EDIL3: variants seen among roughly 807,000 people sequenced by gnomAD.
EDIL3 encodes the protein EGF like and discoidin domains 3.
EDIL3 carries 37 observed loss-of-function variants against 67.4 expected under a neutral mutation model. The ratio of observed to expected loss-of-function variants is 0.55; its 90% CI spans 0.42 to 0.72. EDIL3 has a LOEUF of 0.72. Ranked by LOEUF, EDIL3 falls within the 30% of genes least tolerant of loss-of-function variation. The pLI is 0.00. For missense variants in EDIL3, 527 were observed against 586.3 expected (o/e 0.90, Z 1.04); for synonymous variants, 195 against 196.3 (o/e 0.99, Z 0.05).
rs886920158 is a variant in EDIL3, at chr5:84,076,000, CAAATT to C, written c.652-9399_652-9395del. On this transcript the variant is annotated intron_variant, in intron 6 of 10. Coordinates refer to ENST00000296591, the MANE Select transcript of EDIL3 (RefSeq NM_005711.5). The stretch of plus-strand genomic sequence containing the variant: ...TTATCATATTAGAAATTAATACTGA[CAAATT>C]AAAAATATATTAATTCACCTAAAAA... 2.6e-4 allele frequency among the ~76,000 whole-genome samples: 38 copies of C among 148,110 alleles called. No homozygotes were observed. In the East Asian group the frequency reaches 7.3e-3, roughly 28 times the overall value.
chr5:84,247,697 A>G (rs911447819), intron 2 of EDIL3, among the ~76,000 whole-genome samples: 1 of 152,128 alleles, frequency 6.6e-6, no homozygotes, highest in Admixed American at 6.6e-5. Flanking sequence ...GGAATATGAT[A>G]GGTAAAAGAG....
At chr5:84,369,311 C>T (rs977728270) in intron 1 of EDIL3, among the ~76,000 whole-genome samples, 1 of 151,766 alleles carries the variant, frequency 6.6e-6, no homozygotes, top group African/African-American at 2.4e-5. Flanking sequence ...ATACATACCA[C>T]AAGGGAATAG....
chr5:84,374,934 C>T (rs973106802), intron 1 of EDIL3, among the ~76,000 whole-genome samples: 1 of 151,892 alleles, frequency 6.6e-6, no homozygotes, highest in African/African-American at 2.4e-5. Context: ...AATTAAACCT[C>T]CTTCCTTTAT....
At chr5:84,355,264 T>C (rs1422520828) in intron 1 of EDIL3, among the ~76,000 whole-genome samples, 3 of 152,022 alleles carry the variant, frequency 2.0e-5, no homozygotes, top group Admixed American at 2.0e-4. Context: ...TTTCTTCCGC[T>C]TGATTAATTC....
chr5:84,122,290 C>A (rs778868926), intron 5 of EDIL3, among the ~76,000 whole-genome samples: 1 of 151,938 alleles, frequency 6.6e-6, no homozygotes, highest in Non-Finnish European at 1.5e-5. Context: ...ACAAATGGAG[C>A]CTGCACATAC....
At chr5:84,074,345 A>C (rs1363944882) in intron 6 of EDIL3, among the ~76,000 whole-genome samples, 1 of 152,100 alleles carries the variant, frequency 6.6e-6, no homozygotes, top group Non-Finnish European at 1.5e-5. Context: ...AAAATTGACA[A>C]ATGGGATCTA....
intron 3 of EDIL3, among the ~76,000 whole-genome samples, chr5:84,196,367 A>C (rs573668479): frequency 1.4e-4 from 22 of 152,060 alleles, no homozygotes; most frequent in African/African-American, 4.6e-4. Flanking sequence ...CTTTCACAAC[A>C]ATGATTACCC....
At position 84,349,177 on chromosome 5, in the gene EDIL3, C is replaced by T. The variant is rs948851033; in HGVS notation, c.67+35131G>A. Among the ~76,000 whole-genome samples the T allele has an allele frequency of 2.6e-5, 4 of 152,112 alleles. No individual in the cohort carries two copies. In the South Asian group the frequency reaches 8.3e-4, roughly 32 times the overall value. On this transcript the variant is annotated intron_variant, in intron 1 of 10. Transcript: ENST00000296591. ...TACAATTATTTATAAAGAATAACAGCTTGCTTTCCCAAGCAGGCTTCTTGA... is the reference window on the plus strand; with the variant it reads ...TACAATTATTTATAAAGAATAACAGTTTGCTTTCCCAAGCAGGCTTCTTGA...
intron 9 of EDIL3, among the ~76,000 whole-genome samples, chr5:84,024,402 C>T (rs977118921): frequency 4.9e-4 from 73 of 150,460 alleles, no homozygotes; most frequent in African/African-American, 1.7e-3. Flanking sequence ...TCTAGTAATA[C>T]ATCAAGTTTT....
chr5:84,008,844 G>A (rs183112990), intron 9 of EDIL3, among the ~76,000 whole-genome samples: 10 of 152,170 alleles, frequency 6.6e-5, no homozygotes, highest in Admixed American at 2.0e-4. Flanking sequence ...ACAGGGTCTC[G>A]CTCTGTCACC....
intron 1 of EDIL3, among the ~76,000 whole-genome samples, chr5:84,352,550 T>C (rs1204241006): frequency 6.6e-6 from 1 of 151,984 alleles, no homozygotes; most frequent in East Asian, 1.9e-4. Context: ...CAAACCAAAA[T>C]TCAAAAACCA....
At chr5:84,374,954 A>T (rs1291837589) in intron 1 of EDIL3, among the ~76,000 whole-genome samples, 1 of 149,984 alleles carries the variant, frequency 6.7e-6, no homozygotes, top group Non-Finnish European at 1.5e-5. Flanking sequence ...TAAATTACCC[A>T]GTCTCGGGTA....
At chr5:84,010,769 T>C (rs1260181630) in intron 9 of EDIL3, among the ~76,000 whole-genome samples, 2 of 152,202 alleles carry the variant, frequency 1.3e-5, no homozygotes, top group Non-Finnish European at 2.9e-5. Context: ...ACTGGCTGTT[T>C]TGTAAATGAA....
intron 2 of EDIL3, among the ~76,000 whole-genome samples, chr5:84,245,126 T>C (rs1744880839): frequency 6.6e-6 from 1 of 152,218 alleles, no homozygotes; most frequent in African/African-American, 2.4e-5. Flanking sequence ...CCTTTCTTTA[T>C]AGTTTTTATT....
intron 3 of EDIL3, among the ~76,000 whole-genome samples, chr5:84,214,963 G>A (rs1744198518): frequency 6.6e-6 from 1 of 152,074 alleles, no homozygotes; most frequent in Non-Finnish European, 1.5e-5. Flanking sequence ...CAGGCAATCT[G>A]CCCACCGTGG....
chr5:84,352,811 A>C (rs76151151), intron 1 of EDIL3, among the ~76,000 whole-genome samples: 493 of 152,320 alleles, frequency 3.2e-3, no homozygotes, highest in Non-Finnish European at 4.8e-3. Context: ...GTGATTTCAA[A>C]AAAAGAAATA....
chr5:84,176,785 G>A (rs893225759), intron 4 of EDIL3, among the ~76,000 whole-genome samples: 8 of 148,518 alleles, frequency 5.4e-5, no homozygotes, highest in Non-Finnish European at 1.0e-4. Flanking sequence ...GTGTGTGAGC[G>A]CATGCGTGTG....
intron 6 of EDIL3, among the ~76,000 whole-genome samples, chr5:84,080,720 T>G (rs999685563): frequency 6.6e-6 from 1 of 152,194 alleles, no homozygotes; most frequent in Non-Finnish European, 1.5e-5. Flanking sequence ...AATTGATATC[T>G]AGGATTCTAT....
chr5:83,991,484 C>A (rs2112159750), intron 9 of EDIL3, among the ~76,000 whole-genome samples: 1 of 152,272 alleles, frequency 6.6e-6, no homozygotes, highest in South Asian at 2.1e-4. Flanking sequence ...ACACCTCTTA[C>A]TTTCTCACTT....
Sources: allele counts gnomAD v4.1 joint callset (sites outside exome capture counted in the v4.1 genomes callset), GRCh38; gene constraint gnomAD v4.1.1; transcripts MANE v1.5; gene names NCBI Gene and HGNC (gene_info 2026-07-23, HGNC 2026-07-21).